The following IGSF21 variants were observed in gnomAD, a reference collection of about 807,000 sequenced individuals.
IGSF21 encodes the protein immunoglobin superfamily member 21, also known as immunoglobulin superfamily member 21.
In IGSF21, 28 loss-of-function variants were observed where a neutral mutation model predicts 46.8. That is an observed-to-expected ratio of 0.60 (90% CI 0.44 to 0.82). The LOEUF (loss-of-function observed/expected upper bound fraction) is 0.82. IGSF21 is among the 40% of genes least tolerant of loss of function. The pLI, the probability that IGSF21 is intolerant of heterozygous loss-of-function variation, is 0.00. For synonymous variants in IGSF21, 284 were observed against 273.6 expected (o/e 1.04, Z -0.38); for missense variants, 624 against 665.5 (o/e 0.94, Z 0.69).
rs2086421304 is a variant in IGSF21, at chr1:18,142,227, T to C, written c.70+34029T>C. On this transcript the variant is annotated intron_variant, in intron 1 of 9. Coordinates refer to ENST00000251296, the MANE Select transcript of IGSF21 (RefSeq NM_032880.5). ...ATCAGGACAAGGGGACTCCATTTAATGAACAACTACTCTATGACTAGCACC... is the reference window on the plus strand; with the variant it reads ...ATCAGGACAAGGGGACTCCATTTAACGAACAACTACTCTATGACTAGCACC... Among the ~76,000 whole-genome samples the C allele has an allele frequency of 2.0e-5, 3 of 152,288 alleles. 1 individual carries two copies. In the Middle Eastern group the frequency reaches 0.01, roughly 518 times the overall value.
At chr1:18,117,479 T>C (rs760337848) in intron 1 of IGSF21, among the ~76,000 whole-genome samples, 3 of 152,262 alleles carry the variant, frequency 2.0e-5, no homozygotes, top group Non-Finnish European at 4.4e-5. Context: ...TGGACTCAAG[T>C]AACCTCTTCA....
chr1:18,210,351 G>T (rs1256352830), intron 1 of IGSF21, among the ~76,000 whole-genome samples: 1 of 152,182 alleles, frequency 6.6e-6, no homozygotes, highest in Non-Finnish European at 1.5e-5. Flanking sequence ...TTTCTCATAG[G>T]ATTTTTGCAT....
At chr1:18,138,699 G>A (rs918203795) in intron 1 of IGSF21, among the ~76,000 whole-genome samples, 3 of 152,106 alleles carry the variant, frequency 2.0e-5, no homozygotes, top group African/African-American at 7.2e-5. Context: ...CCCACACATG[G>A]GCCAAGTGCT....
At chr1:18,131,037 G>A (rs1178361760) in intron 1 of IGSF21, among the ~76,000 whole-genome samples, 4 of 152,356 alleles carry the variant, frequency 2.6e-5, no homozygotes, top group Middle Eastern at 3.4e-3. Flanking sequence ...CCAGGCCCGA[G>A]GGAGCTGCAT....
At chr1:18,187,000 C>T (rs188230209) in intron 1 of IGSF21, among the ~76,000 whole-genome samples, 2 of 152,302 alleles carry the variant, frequency 1.3e-5, no homozygotes, top group African/African-American at 4.8e-5. Context: ...TTTAACCTCT[C>T]CTGGGGGAGT....
intron 1 of IGSF21, among the ~76,000 whole-genome samples, chr1:18,144,370 A>T (rs747896): frequency 6.6e-6 from 1 of 151,900 alleles, no homozygotes; most frequent in South Asian, 2.1e-4. Context: ...CCTTGGACTC[A>T]GTTCCCCAGG....
At chr1:18,119,522 T>C (rs539980823) in intron 1 of IGSF21, among the ~76,000 whole-genome samples, 1 of 152,322 alleles carries the variant, frequency 6.6e-6, no homozygotes, top group South Asian at 2.1e-4. Context: ...ATGTTCCTCT[T>C]TGGGTGTGGC....
chr1:18,215,604 C>T (rs1209884441), intron 1 of IGSF21, among the ~76,000 whole-genome samples: 3 of 152,134 alleles, frequency 2.0e-5, no homozygotes, highest in African/African-American at 7.2e-5. Context: ...GCCAAAGGAA[C>T]GGCAGGTGCA....
intron 3 of IGSF21, among the ~76,000 whole-genome samples, chr1:18,303,076 T>C (rs1381383068): frequency 2.0e-5 from 3 of 152,124 alleles, no homozygotes; most frequent in African/African-American, 7.2e-5. Context: ...GCGTCTTGCC[T>C]GGGGCCCCCA....
intron 1 of IGSF21, among the ~76,000 whole-genome samples, chr1:18,152,826 G>A (rs2086533012): frequency 6.6e-6 from 1 of 152,074 alleles, no homozygotes; most frequent in Non-Finnish European, 1.5e-5. Context: ...AGGGTTCCAT[G>A]ATCTGGCCTT....
intron 3 of IGSF21, among the ~76,000 whole-genome samples, chr1:18,305,695 T>G (rs1352818425): frequency 1.3e-5 from 2 of 152,242 alleles, no homozygotes; most frequent in Admixed American, 6.5e-5. Flanking sequence ...ATCTAAAACT[T>G]GCCATTGATA....
At chr1:18,143,605 T>C (rs1045122898) in intron 1 of IGSF21, among the ~76,000 whole-genome samples, 28 of 152,274 alleles carry the variant, frequency 1.8e-4, no homozygotes, top group African/African-American at 4.8e-4. Flanking sequence ...TCTGTTCCCA[T>C]GGCCTGGCAG....
In IGSF21 at chr1:18,278,230, TTA is replaced by T. The variant is rs2085122747; in HGVS notation, c.184-13634_184-13633del. Reference sequence around the variant, plus strand: ...TTCATTTATTTATTTATTTATTTATTTATTTATTTATTTATTTATTTTATTTT... The same window carrying T: ...TTCATTTATTTATTTATTTATTTATTTTTATTTATTTATTTATTTTATTTT... On this transcript the variant is annotated intron_variant, in intron 2 of 9. Transcript: ENST00000251296. Among the ~76,000 whole-genome samples the T allele has an allele frequency of 3.3e-5, 5 of 150,904 alleles. 1 individual carries two copies. In the South Asian group the frequency reaches 1.0e-3, roughly 32 times the overall value.
In IGSF21 at chr1:18,135,035, G is replaced by T. The variant is rs1005883104; in HGVS notation, c.70+26837G>T. ...CGCCATCCTCCTGTCAGCTTAGTGAGCTGGGGTATTGAGCTCCTGTTACAG... is the reference window on the plus strand; with the variant it reads ...CGCCATCCTCCTGTCAGCTTAGTGATCTGGGGTATTGAGCTCCTGTTACAG... On this transcript the variant is annotated intron_variant, in intron 1 of 9. Transcript: ENST00000251296. Among the ~76,000 whole-genome samples the T allele has an allele frequency of 2.0e-5, 3 of 152,220 alleles. No homozygotes were observed. The South Asian group carries it at 6.2e-4, about 32-fold the overall frequency.
intron 1 of IGSF21, among the ~76,000 whole-genome samples, chr1:18,176,607 GCCGTT>G (rs66474284): frequency 0.01 from 1,587 of 152,296 alleles, 30 homozygotes; most frequent in African/African-American, 0.037. Flanking sequence ...ACACTGATGT[GCCGTT>G]TTCACTAACT....
At chr1:18,289,980 A>T (rs1313983954) in intron 2 of IGSF21, among the ~76,000 whole-genome samples, 2 of 152,054 alleles carry the variant, frequency 1.3e-5, no homozygotes, top group Non-Finnish European at 2.9e-5. Flanking sequence ...GGACATTGGG[A>T]TGTGGGGAGA....
chr1:18,165,409 T>C (rs545469241), intron 1 of IGSF21, among the ~76,000 whole-genome samples: 4 of 152,300 alleles, frequency 2.6e-5, no homozygotes, highest in African/African-American at 9.6e-5. Context: ...CTCCAAATTA[T>C]TTCTTCTTAT....
intron 1 of IGSF21, among the ~76,000 whole-genome samples, chr1:18,205,520 G>C (rs1234751386): frequency 6.6e-6 from 1 of 152,112 alleles, no homozygotes; most frequent in Non-Finnish European, 1.5e-5. Flanking sequence ...GACTGTGATC[G>C]AGTGAGGCCC....
At position 18,285,412 on chromosome 1, in the gene IGSF21, A is replaced by G. The variant is rs558029922; in HGVS notation, c.184-6454A>G. Among the ~76,000 whole-genome samples, 27 of 152,222 alleles carry G rather than the reference A, an allele frequency of 1.8e-4. 1 individual carries two copies. Among genetic ancestry groups the G allele is most frequent in the African/African-American group, 6.5e-4 (27 of 41,556 alleles). On this transcript the variant is annotated intron_variant, in intron 2 of 9. Coordinates refer to ENST00000251296, the MANE Select transcript of IGSF21 (RefSeq NM_032880.5). ...TGCTGGTTGGGGTCAGGGGGCAGTC[A>G]GGGCCCAGAGGTGGGGTCTGGCAGC...
Sources: gnomAD v4.1 joint callset for allele counts (sites outside exome capture counted in the v4.1 genomes callset) on GRCh38, gnomAD v4.1.1 for gene constraint, MANE v1.5 for transcripts, NCBI Gene and HGNC (gene_info 2026-07-23, HGNC 2026-07-21) for gene names.